Variants in TAFA2 observed in about 807,000 individuals in gnomAD.
TAFA2 encodes TAFA chemokine like family member 2.
In TAFA2, 7 loss-of-function variants were observed where a neutral mutation model predicts 18.8. The ratio of observed to expected loss-of-function variants is 0.37; its 90% CI spans 0.21 to 0.70. TAFA2 has a LOEUF of 0.70. Ranked by LOEUF, TAFA2 falls within the 30% of genes least tolerant of loss-of-function variation. The probability of loss-of-function intolerance (pLI) is 0.53; values close to 1 mark genes in which losing one functional copy is unlikely to be tolerated. For missense variants in TAFA2, 122 were observed against 158.1 expected (o/e 0.77, Z 1.23); for synonymous variants, 60 against 54.2 (o/e 1.11, Z -0.47).
chr12:61,834,609 C>T (rs1025143334), intron 2 of TAFA2, among the ~76,000 whole-genome samples: 39 of 151,946 alleles, frequency 2.6e-4, no homozygotes, highest in African/African-American at 8.7e-4. Flanking sequence ...AAAGGGTCAA[C>T]ACATGCTTTC....
chr12:62,190,086 A>G (rs1276695453), intron 1 of TAFA2, among the ~76,000 whole-genome samples: 1 of 152,012 alleles, frequency 6.6e-6, no homozygotes, highest in Admixed American at 6.6e-5. Context: ...TCTTATTGCC[A>G]TAATCAAACT....
At chr12:62,024,422 A>G (rs756986640) in intron 1 of TAFA2, among the ~76,000 whole-genome samples, 10 of 152,090 alleles carry the variant, frequency 6.6e-5, no homozygotes, top group Non-Finnish European at 1.0e-4. Context: ...TTAGAGCCCA[A>G]TCCCTGCAGA....
intron 1 of TAFA2, among the ~76,000 whole-genome samples, chr12:62,118,157 G>C (rs924534673): frequency 1.3e-5 from 2 of 152,008 alleles, no homozygotes; most frequent in African/African-American, 4.8e-5. Context: ...TTATTCCCTT[G>C]CTGTTGTACA....
chr12:61,939,113 C>A (rs1877892464), intron 1 of TAFA2, among the ~76,000 whole-genome samples: 1 of 152,250 alleles, frequency 6.6e-6, no homozygotes, highest in South Asian at 2.1e-4. Context: ...TGAGTCCAGG[C>A]ACACCCTACT....
intron 1 of TAFA2, among the ~76,000 whole-genome samples, chr12:62,083,055 C>T (rs1346608658): frequency 6.6e-6 from 1 of 152,068 alleles, no homozygotes; most frequent in East Asian, 1.9e-4. Context: ...GATCTAAATC[C>T]CCAGTATCTC....
intron 2 of TAFA2, among the ~76,000 whole-genome samples, chr12:61,837,209 C>A (rs546376361): frequency 6.6e-6 from 1 of 151,984 alleles, no homozygotes; most frequent in East Asian, 1.9e-4. Flanking sequence ...GCAATAGAAT[C>A]AAAAATTCTA....
chr12:61,775,765 T>C (rs566386212), intron 2 of TAFA2, among the ~76,000 whole-genome samples: 2 of 152,010 alleles, frequency 1.3e-5, no homozygotes, highest in East Asian at 3.9e-4. Flanking sequence ...AAGTTAATCC[T>C]AATGTAAGCT....
intron 1 of TAFA2, among the ~76,000 whole-genome samples, chr12:62,130,054 C>T (rs934846352): frequency 3.3e-5 from 5 of 151,962 alleles, no homozygotes; most frequent in Non-Finnish European, 7.4e-5. Flanking sequence ...AACATAAATC[C>T]AAAGTACTTG....
Position 61,949,673 on chromosome 12 carries a change from G to A in TAFA2, c.-1-82247C>T, listed in dbSNP as rs562703239. ...AATAAATCATATATATCTCCCACTGGTTCTGTTTTTCTAAAACCCTGACTA... is the reference window on the plus strand; with the variant it reads ...AATAAATCATATATATCTCCCACTGATTCTGTTTTTCTAAAACCCTGACTA... On this transcript the variant is annotated intron_variant, in intron 1 of 4. Coordinates refer to ENST00000416284, the MANE Select transcript of TAFA2 (RefSeq NM_178539.5). Among the ~76,000 whole-genome samples the A allele has an allele frequency of 5.9e-5, 9 of 152,020 alleles. No homozygotes were observed. In the East Asian group the frequency reaches 1.4e-3, roughly 23 times the overall value.
Position 62,177,143 on chromosome 12 carries a change from C to T in TAFA2, c.-2+14116G>A, listed in dbSNP as rs529228013. ...GAAAGCAAAGACAACAGGGGGGAAA[C>T]CTTCATCCCTTCAGAGTGTTCCTGT... On this transcript the variant is annotated intron_variant, in intron 1 of 4. Coordinates refer to ENST00000416284, the MANE Select transcript of TAFA2 (RefSeq NM_178539.5). Among the ~76,000 whole-genome samples the T allele has an allele frequency of 2.6e-5, 4 of 152,346 alleles. No individual in the cohort carries two copies. In the South Asian group the frequency reaches 8.3e-4, roughly 32 times the overall value.
At chr12:62,213,948 T>A (rs2062723849) in intron 1 of TAFA2, among the ~76,000 whole-genome samples, 1 of 152,182 alleles carries the variant, frequency 6.6e-6, no homozygotes, top group Non-Finnish European at 1.5e-5. Context: ...CAAAAAACTA[T>A]TAAACACAGA....
At chr12:62,190,814 A>T (rs2062617866) in intron 1 of TAFA2, among the ~76,000 whole-genome samples, 1 of 152,160 alleles carries the variant, frequency 6.6e-6, no homozygotes, top group South Asian at 2.1e-4. Flanking sequence ...CAGAAAGATG[A>T]CCTGACACAT....
intron 1 of TAFA2, among the ~76,000 whole-genome samples, chr12:61,929,822 G>A (rs1156865119): frequency 6.6e-6 from 1 of 152,030 alleles, no homozygotes; most frequent in African/African-American, 2.4e-5. Flanking sequence ...ATACTATGCA[G>A]CCATAAAAAA....
chr12:62,203,539 T>C (rs2136969011), intron 1 of TAFA2, among the ~76,000 whole-genome samples: 1 of 152,372 alleles, frequency 6.6e-6, no homozygotes, highest in African/African-American at 2.4e-5. Flanking sequence ...GGTGCCTATA[T>C]ATTTAGGACA....
intron 1 of TAFA2, among the ~76,000 whole-genome samples, chr12:62,063,101 G>A (rs1016938248): frequency 6.6e-6 from 1 of 151,864 alleles, no homozygotes; most frequent in African/African-American, 2.4e-5. Flanking sequence ...GTCATATAAG[G>A]TAATATATTC....
intron 1 of TAFA2, among the ~76,000 whole-genome samples, chr12:62,173,318 A>G (rs759921534): frequency 6.6e-5 from 10 of 152,182 alleles, no homozygotes; most frequent in Non-Finnish European, 1.0e-4. Flanking sequence ...AGGCTGAGGC[A>G]GGAGAATCAC....
At chr12:61,925,214 C>T (rs1044857138) in intron 1 of TAFA2, among the ~76,000 whole-genome samples, 3 of 152,144 alleles carry the variant, frequency 2.0e-5, no homozygotes, top group African/African-American at 7.2e-5. Flanking sequence ...AGGACTTGAA[C>T]TCAGCTCTGG....
intron 1 of TAFA2, chr12:62,022,228 G>T (rs1424261092): frequency 1.4e-5 from 4 of 285,280 alleles, no homozygotes; most frequent in Non-Finnish European, 2.8e-5. Flanking sequence ...AAGCGATGAA[G>T]AGCCTTACAT....
At chr12:61,908,022 T>C (rs546235087) in intron 1 of TAFA2, among the ~76,000 whole-genome samples, 6 of 152,284 alleles carry the variant, frequency 3.9e-5, no homozygotes, top group South Asian at 2.1e-4. Context: ...TTTGATTTTA[T>C]GGGCTCATAG....
Sources: gnomAD v4.1 joint callset for allele counts (sites outside exome capture counted in the v4.1 genomes callset) on GRCh38, gnomAD v4.1.1 for gene constraint, MANE v1.5 for transcripts, NCBI Gene and HGNC (gene_info 2026-07-23, HGNC 2026-07-21) for gene names.